VPS35L: variants seen among roughly 807,000 people sequenced by gnomAD.
The protein encoded by VPS35L is VPS35 endosomal protein-sorting factor-like.
Under a neutral mutation model 133.0 loss-of-function variants are expected in VPS35L, and 83 were observed. The observed-to-expected ratio is 0.62, with a 90% CI of 0.52 to 0.75. The LOEUF (loss-of-function observed/expected upper bound fraction) is 0.75. Among genes scored for constraint, VPS35L ranks in the 30% least tolerant of loss-of-function variants. The pLI, the probability that VPS35L is intolerant of heterozygous loss-of-function variation, is 0.00. For synonymous variants in VPS35L, 423 were observed against 449.9 expected (o/e 0.94, Z 0.76); for missense variants, 1,083 against 1,206.8 (o/e 0.90, Z 1.52).
intron 11 of VPS35L, 125 bp from the exon 12 acceptor site, chr16:19,610,197 G>T (rs1972666180): frequency 1.4e-6 from 1 of 737,196 alleles, no homozygotes; most frequent in Non-Finnish European, 2.2e-6. Context: ...ACCTTGGTTT[G>T]TTACTGAAAC....
intron 26 of VPS35L, among the ~76,000 whole-genome samples, chr16:19,667,223 A>T (rs970604282): frequency 6.6e-6 from 1 of 151,916 alleles, no homozygotes; most frequent in African/African-American, 2.4e-5. Context: ...TGGCCTCCCA[A>T]AGTGCTGAGA....
intron 22 of VPS35L, among the ~76,000 whole-genome samples, chr16:19,643,296 C>A (rs539668222): frequency 6.6e-6 from 1 of 152,138 alleles, no homozygotes; most frequent in South Asian, 2.1e-4. Context: ...CACTTAGATT[C>A]GTGAGACATT....
intron 29 of VPS35L, among the ~76,000 whole-genome samples, chr16:19,695,159 A>G (rs948254058): frequency 6.6e-6 from 1 of 152,170 alleles, no homozygotes; most frequent in African/African-American, 2.4e-5. Flanking sequence ...TAGTCCAGGG[A>G]CCTCTTAGAA....
At chr16:19,610,807 G>A (rs771473124) in intron 12 of VPS35L, among the ~76,000 whole-genome samples, 3 of 152,036 alleles carry the variant, frequency 2.0e-5, no homozygotes, top group Non-Finnish European at 4.4e-5. Context: ...TTTTCTGCTT[G>A]GCAGGGGAGC....
At chr16:19,573,584 C>T (rs1971447555) in intron 4 of VPS35L, among the ~76,000 whole-genome samples, 1 of 152,064 alleles carries the variant, frequency 6.6e-6, no homozygotes, top group Non-Finnish European at 1.5e-5. Context: ...TTTGGGAGGC[C>T]AAGGTGGGCA....
At chr16:19,655,046 G>A (rs1974254051) in intron 26 of VPS35L, among the ~76,000 whole-genome samples, 1 of 152,182 alleles carries the variant, frequency 6.6e-6, no homozygotes, top group South Asian at 2.1e-4. Context: ...GCTGTAAGTA[G>A]TTTCTCCCTG....
chr16:19,633,136 G>C lies in VPS35L; in HGVS notation c.1599G>C (p.Met533Ile). The C allele has an allele frequency of 6.2e-7, 1 of 1,614,182 alleles. No individual in the cohort carries two copies. Among genetic ancestry groups the C allele is most frequent in the Non-Finnish European group, 8.5e-7 (1 of 1,180,040 alleles). The part of the protein sequence containing the change: ...NTVLADVIKH[M>I]TPDRAFEDSY... ...TTTTGGCAGATGTCATCAAGCACAT[G>C]ACTCCAGATCGTGCATTTGAAGATT... Residue 533 changes from methionine (M) to isoleucine (I), a missense_variant, in exon 19 of 31, where the codon ATG (methionine) becomes ATC (isoleucine). Transcript: ENST00000417362. The surrounding 1 kb of genome is among the most constrained non-coding windows in gnomAD (Gnocchi z 4.1).
chr16:19,632,521 C>T (rs1973489027), intron 18 of VPS35L, among the ~76,000 whole-genome samples: 1 of 152,118 alleles, frequency 6.6e-6, no homozygotes, highest in Non-Finnish European at 1.5e-5. Flanking sequence ...GGATTTTTCC[C>T]ATTGCATCCT....
chr16:19,600,256 A>T (rs1009369159), intron 8 of VPS35L, among the ~76,000 whole-genome samples: 4 of 89,810 alleles, frequency 4.5e-5, no homozygotes, highest in African/African-American at 2.6e-4. Flanking sequence ...ATAAAGGGTT[A>T]TGAAAAAAAA....
At chr16:19,695,898 T>C (rs1817473476) in intron 29 of VPS35L, among the ~76,000 whole-genome samples, 1 of 151,516 alleles carries the variant, frequency 6.6e-6, no homozygotes, top group South Asian at 2.1e-4. Context: ...TTTATTTTAT[T>C]TTTTTTTTGA....
At chr16:19,625,262 G>C (rs1166356073) in intron 14 of VPS35L, among the ~76,000 whole-genome samples, 2 of 152,192 alleles carry the variant, frequency 1.3e-5, no homozygotes, top group African/African-American at 2.4e-5. Flanking sequence ...TTTCATCTGT[G>C]AAATGGGAGA....
chr16:19,643,959 A>G (rs1319956426), intron 22 of VPS35L, among the ~76,000 whole-genome samples: 2 of 152,192 alleles, frequency 1.3e-5, no homozygotes, highest in South Asian at 4.2e-4. Flanking sequence ...ACTCCATCTC[A>G]AAACAAAAAC....
At chr16:19,597,206 A>G (rs1345721544) in intron 8 of VPS35L, among the ~76,000 whole-genome samples, 1 of 151,898 alleles carries the variant, frequency 6.6e-6, no homozygotes. Flanking sequence ...CCATCTCTAC[A>G]AAACATTTAA....
intron 27 of VPS35L, among the ~76,000 whole-genome samples, chr16:19,671,803 G>C (rs992256769): frequency 4.6e-5 from 7 of 152,112 alleles, no homozygotes; most frequent in African/African-American, 1.7e-4. Flanking sequence ...GTATTCCATG[G>C]AGTGTATAGG....
intron 11 of VPS35L, among the ~76,000 whole-genome samples, 188 bp downstream of exon 11, chr16:19,609,209 C>G (rs943965392): frequency 6.6e-6 from 1 of 152,114 alleles, no homozygotes; most frequent in Non-Finnish European, 1.5e-5. Flanking sequence ...ATCCTAATCC[C>G]CATATTAGAG....
chr16:19,692,551 C>T (rs1481061550), intron 29 of VPS35L, among the ~76,000 whole-genome samples: 1 of 150,962 alleles, frequency 6.6e-6, no homozygotes, highest in Non-Finnish European at 1.5e-5. Context: ...GGCCTTTCCA[C>T]TTCACTTTTC....
chr16:19,628,649 C>T lies in VPS35L; in HGVS notation c.1396C>T (p.Arg466Ter), dbSNP rs867148990. The change falls in exon 17 of 31, where the codon CGA (arginine) becomes TGA (stop). Residue 466 changes from arginine to a stop codon, truncating the protein, a stop_gained. Transcript: ENST00000417362. LOFTEE classifies it high-confidence loss of function. ...ACATGTTTCTTAGCATCTTCTTTTT[C>T]GATCACTGGGATTAAACTTGGCCTT... ...ESGFPKHLLF[R>*]SLGLNLALAD... 10 of 1,571,870 alleles carry T rather than the reference C, an allele frequency of 6.4e-6. No homozygotes were observed. Among genetic ancestry groups the T allele is most frequent in the Admixed American group, 1.8e-5 (1 of 57,022 alleles).
intron 8 of VPS35L, among the ~76,000 whole-genome samples, chr16:19,592,306 C>G (rs1158323595): frequency 6.6e-6 from 1 of 151,674 alleles, no homozygotes; most frequent in African/African-American, 2.4e-5. Flanking sequence ...TCTCAAACTC[C>G]TAGCCTCAAG....
In VPS35L at chr16:19,616,129, G is replaced by A. The variant is rs200642096; in HGVS notation, c.1039G>A (p.Ala347Thr). ...CTGGCTGCAGGTGGGAATGGAAGTG[G>A]CCCCACATCTCAAAGAAACCCTAAA... Reference protein sequence around the residue: ...AYLCRVGMEVAPHLKETLNKN... With the variant: ...AYLCRVGMEVTPHLKETLNKN... The change falls in exon 13 of 31, where the codon GCC becomes ACC. Residue 347 changes from alanine to threonine, a missense_variant. Coordinates refer to ENST00000417362, the MANE Select transcript of VPS35L (RefSeq NM_020314.7). 9 of 1,612,758 alleles carry A rather than the reference G, an allele frequency of 5.6e-6. No homozygotes were observed. The African/African-American group carries it at 1.1e-4, about 19-fold the overall frequency.
Sources: allele counts gnomAD v4.1 joint callset (sites outside exome capture counted in the v4.1 genomes callset), GRCh38; gene constraint gnomAD v4.1.1; non-coding constraint Gnocchi (gnomAD v3.1); transcripts MANE v1.5; gene names NCBI Gene and HGNC (gene_info 2026-07-23, HGNC 2026-07-21).